Variants in TRPS1 observed in about 807,000 individuals in gnomAD.
TRPS1 encodes transcriptional repressor GATA binding 1.
In TRPS1, 6 loss-of-function variants were observed where a neutral mutation model predicts 101.2. That is an observed-to-expected ratio of 0.06 (90% CI 0.03 to 0.12). TRPS1 has a LOEUF of 0.12. Among genes scored for constraint, TRPS1 ranks in the 10% least tolerant of loss-of-function variants. TRPS1 has a pLI of 1.00. For missense variants in TRPS1, 1,363 were observed against 1,567.0 expected (o/e 0.87, Z 2.20); for synonymous variants, 578 against 589.8 (o/e 0.98, Z 0.29).
chr8:115,576,314 TAG>T (rs1398357277), intron 5 of TRPS1, among the ~76,000 whole-genome samples: 2,980 of 148,944 alleles, frequency 0.02, 100 homozygotes, highest in African/African-American at 0.068. Context: ...GATATAGATA[TAG>T]ATCTAGATCT....
intron 5 of TRPS1, among the ~76,000 whole-genome samples, chr8:115,469,661 C>T (rs1814416016): frequency 6.6e-6 from 1 of 151,974 alleles, no homozygotes; most frequent in African/African-American, 2.4e-5. Flanking sequence ...CCACCAGATA[C>T]CCTAAATCAG....
Position 115,460,487 on chromosome 8 carries a change from A to T in TRPS1, c.2701-42035T>A, listed in dbSNP as rs192125137. Among the ~76,000 whole-genome samples, 9 of 152,206 alleles carry T rather than the reference A, an allele frequency of 5.9e-5. No homozygotes were observed. The East Asian group carries it at 1.7e-3, about 29-fold the overall frequency. On this transcript the variant is annotated intron_variant, in intron 5 of 6. Transcript: ENST00000395715. ...TTGGGATTTATAAAACCCCTGAATA[A>T]TAGATAAATATTTTATTTTTATTTT...
At chr8:115,583,850 A>G (rs1817506805) in intron 5 of TRPS1, among the ~76,000 whole-genome samples, 1 of 152,060 alleles carries the variant, frequency 6.6e-6, no homozygotes, top group Admixed American at 6.6e-5. Flanking sequence ...AATATACATA[A>G]ATGATATCAT....
intron 5 of TRPS1, chr8:115,511,019 C>T (rs1039707504): frequency 6.6e-6 from 1 of 151,686 alleles, no homozygotes; most frequent in Non-Finnish European, 1.5e-5. Context: ...TACAGTTATC[C>T]TTTATCAAAC....
At chr8:115,447,672 T>G (rs1813771317) in intron 5 of TRPS1, among the ~76,000 whole-genome samples, 1 of 140,310 alleles carries the variant, frequency 7.1e-6, no homozygotes, top group Non-Finnish European at 1.6e-5. Context: ...GAATGTCATA[T>G]TTTTATATAT....
intron 1 of TRPS1, among the ~76,000 whole-genome samples, chr8:115,632,915 G>T (rs1371065496): frequency 6.6e-6 from 1 of 152,146 alleles, no homozygotes; most frequent in East Asian, 1.9e-4. Context: ...TTACACAGGT[G>T]TATTTGTTTT....
intron 5 of TRPS1, among the ~76,000 whole-genome samples, chr8:115,557,733 T>A (rs1816856187): frequency 6.6e-6 from 1 of 152,164 alleles, no homozygotes; most frequent in African/African-American, 2.4e-5. Context: ...TATTTCTTCA[T>A]TGCAAAGTGA....
chr8:115,620,953 G>T lies in TRPS1; in HGVS notation c.38-893C>A, dbSNP rs528736378. Among the ~76,000 whole-genome samples, 253 of 152,318 alleles carry T rather than the reference G, an allele frequency of 1.7e-3. 2 individuals carry two copies. The highest frequency in any genetic ancestry group is 5.9e-3 in the African/African-American group (245 of 41,576). ...AGATTAAGCTGAACCATATGACATT[G>T]TCCTTGTGTAGTTCAAAACAGCAAA... is the stretch of plus-strand genomic sequence containing the variant. On this transcript the variant is annotated intron_variant, in intron 2 of 6. Transcript: ENST00000395715.
At chr8:115,580,539 G>T (rs1431083367) in intron 5 of TRPS1, among the ~76,000 whole-genome samples, 1 of 151,948 alleles carries the variant, frequency 6.6e-6, no homozygotes, top group Non-Finnish European at 1.5e-5. Flanking sequence ...TCTTTTGGGG[G>T]CCCTGTTATG....
chr8:115,569,716 T>C (rs1035909373), intron 5 of TRPS1, among the ~76,000 whole-genome samples: 10 of 152,120 alleles, frequency 6.6e-5, no homozygotes, highest in African/African-American at 2.4e-4. Flanking sequence ...CATTTCTGGT[T>C]ATCTTGAGCC....
intron 5 of TRPS1, among the ~76,000 whole-genome samples, chr8:115,483,078 T>A (rs1402560547): frequency 6.6e-6 from 1 of 152,160 alleles, no homozygotes; most frequent in Non-Finnish European, 1.5e-5. Context: ...ACCTTATTTA[T>A]CCTCATGTTT....
rs547998971 is a variant in TRPS1, at chr8:115,595,492, G to A, written c.2097-7888C>T. 4.5e-4 allele frequency among the ~76,000 whole-genome samples: 68 copies of A among 152,036 alleles called. 1 individual carries two copies. The South Asian group carries it at 0.014, about 31-fold the overall frequency. ...TTGTTTACTCATCTTGCATTTTTAA[G>A]TTGAAATAATCTGATTAGGATTTGC... is the stretch of plus-strand genomic sequence containing the variant. On this transcript the variant is annotated intron_variant, in intron 4 of 6. Transcript: ENST00000395715.
rs146623066 is a variant in TRPS1 at position 115,647,997 on chromosome 8, T to G, written c.-122+20548A>C. ...TGCATTAATCTCATGCCTCTTACAG[T>G]TTGCCCAATGATCACAGGTGAATAA... On this transcript the variant is annotated intron_variant, in intron 1 of 6. Transcript: ENST00000395715. Among the ~76,000 whole-genome samples, 19 of 152,148 alleles carry G rather than the reference T, an allele frequency of 1.2e-4. No homozygotes were observed. The East Asian group carries it at 2.5e-3, about 20-fold the overall frequency.
intron 5 of TRPS1, among the ~76,000 whole-genome samples, chr8:115,535,065 T>C (rs1390054986): frequency 6.8e-6 from 1 of 148,094 alleles, no homozygotes; most frequent in South Asian, 2.1e-4. Flanking sequence ...GTATAGCATA[T>C]ATATAAGCAT....
At chr8:115,599,714 C>T (rs1370861530) in intron 4 of TRPS1, among the ~76,000 whole-genome samples, 3 of 152,096 alleles carry the variant, frequency 2.0e-5, no homozygotes, top group African/African-American at 7.2e-5. Flanking sequence ...TGTATATGTG[C>T]CACATTTTCT....
chr8:115,660,271 T>C (rs1811762290), intron 1 of TRPS1, among the ~76,000 whole-genome samples: 1 of 152,064 alleles, frequency 6.6e-6, no homozygotes. Flanking sequence ...TAATGTTTAT[T>C]GATTTGTAAG....
At chr8:115,561,518 G>T (rs981662893) in intron 5 of TRPS1, among the ~76,000 whole-genome samples, 13 of 151,694 alleles carry the variant, frequency 8.6e-5, no homozygotes, top group Non-Finnish European at 1.8e-4. Flanking sequence ...GCAACAAGGG[G>T]TGCAATTTGG....
At chr8:115,494,043 G>A (rs1241936483) in intron 5 of TRPS1, among the ~76,000 whole-genome samples, 1 of 152,058 alleles carries the variant, frequency 6.6e-6, no homozygotes, top group Non-Finnish European at 1.5e-5. Context: ...ACTCCTGCTG[G>A]GACATCTCAT....
At chr8:115,482,260 T>G (rs1312566967) in intron 5 of TRPS1, among the ~76,000 whole-genome samples, 1 of 152,180 alleles carries the variant, frequency 6.6e-6, no homozygotes, top group Non-Finnish European at 1.5e-5. Context: ...TATGTTTAGT[T>G]GTTTAAAGTC....
Sources: allele counts gnomAD v4.1 joint callset (sites outside exome capture counted in the v4.1 genomes callset), GRCh38; gene constraint gnomAD v4.1.1; transcripts MANE v1.5; gene names NCBI Gene and HGNC (gene_info 2026-07-23, HGNC 2026-07-21).